ADH6: variants seen among roughly 807,000 people sequenced by gnomAD.
ADH6 encodes the protein alcohol dehydrogenase 6.
Under a neutral mutation model 36.5 loss-of-function variants are expected in ADH6, and 34 were observed. The observed-to-expected ratio is 0.93, with a 90% CI of 0.71 to 1.24. The LOEUF is 1.24. ADH6 is among the 50% of genes most tolerant of loss of function. The pLI, the probability that ADH6 is intolerant of heterozygous loss-of-function variation, is 0.00. For missense variants in ADH6, 440 were observed against 447.0 expected (o/e 0.98, Z 0.14); for synonymous variants, 161 against 155.5 (o/e 1.04, Z -0.26).
intron 1 of ADH6, 140 bp from the exon 2 acceptor site, chr4:99,216,402 T>C: frequency 6.8e-6 from 3 of 440,438 alleles, no homozygotes; most frequent in South Asian, 8.2e-5. Context: ...AATAAATATA[T>C]GCTGAAGGTA....
rs1730902723 is a variant in ADH6, at chr4:99,202,818, C to G, written c.*1401G>C. On this transcript the variant is annotated 3_prime_UTR_variant, in exon 9 of 9. Transcript: ENST00000394899. ...TAGCTGCTGTCAGGAAATAGAAGAGCAGAGCAGAGTTGGGCATGGAGGCTC... is the reference window on the plus strand; with the variant it reads ...TAGCTGCTGTCAGGAAATAGAAGAGGAGAGCAGAGTTGGGCATGGAGGCTC... The G allele has an allele frequency of 2.5e-6, 1 of 397,856 alleles. No homozygotes were observed. The highest frequency in any genetic ancestry group is 2.1e-5 in the African/African-American group (1 of 48,552). 24.6% of individuals were successfully genotyped at this position (397,856 alleles called of 1,614,324 possible).
At chr4:99,217,682 C>A (rs1239726971) in intron 1 of ADH6, among the ~76,000 whole-genome samples, 1 of 152,146 alleles carries the variant, frequency 6.6e-6, no homozygotes, top group Non-Finnish European at 1.5e-5. Flanking sequence ...AATAAACAGG[C>A]AAGTTCAGGT....
intron 5 of ADH6, 81 bp downstream of exon 5, chr4:99,210,001 T>A: frequency 7.0e-7 from 1 of 1,420,664 alleles, no homozygotes; most frequent in Non-Finnish European, 9.8e-7. Context: ...TTTGGTATGA[T>A]AAGAGATGAC....
intron 1 of ADH6, among the ~76,000 whole-genome samples, chr4:99,217,311 C>T (rs1356410416): frequency 6.6e-6 from 1 of 152,206 alleles, no homozygotes; most frequent in Non-Finnish European, 1.5e-5. Flanking sequence ...GCTGGGATTA[C>T]AGGCGTGAGC....
chr4:99,213,489 T>A (rs1355283111), intron 3 of ADH6, 117 bp downstream of exon 3: 1 of 965,034 alleles, frequency 1.0e-6, no homozygotes, highest in Non-Finnish European at 1.5e-6. Flanking sequence ...TTCTAAGAAG[T>A]TGGAAACATT....
At chr4:99,204,615 G>A (rs545286612) in intron 8 of ADH6, 1 of 1,168,520 alleles carries the variant, frequency 8.6e-7, no homozygotes, top group Non-Finnish European at 1.1e-6. Flanking sequence ...TTTTAAACTT[G>A]AGCTACAATT....
intron 3 of ADH6, 56 bp from the exon 4 acceptor site, chr4:99,210,558 G>A: frequency 7.2e-7 from 1 of 1,380,860 alleles, no homozygotes; most frequent in East Asian, 2.3e-5. Context: ...TAAAGACATA[G>A]CTGTCTTTCA....
intron 7 of ADH6, among the ~76,000 whole-genome samples, chr4:99,206,449 C>T (rs1264964274): frequency 6.6e-6 from 1 of 151,960 alleles, no homozygotes; most frequent in African/African-American, 2.4e-5. Context: ...TTTGAATTAA[C>T]ATTATCATCT....
At chr4:99,216,585 G>A (rs982066610) in intron 1 of ADH6, among the ~76,000 whole-genome samples, 37 of 151,852 alleles carry the variant, frequency 2.4e-4, no homozygotes, top group Admixed American at 1.3e-4. Flanking sequence ...GGTGGCTCAC[G>A]CCTGTAATTC....
Position 99,203,013 on chromosome 4 carries a change from C to T in ADH6, c.*1206G>A, listed in dbSNP as rs28720166. The T allele has an allele frequency of 2.3e-3, 883 of 389,372 alleles. 10 individuals are homozygous for T. Among genetic ancestry groups the T allele is most frequent in the African/African-American group, 0.017 (830 of 48,512 alleles). 24.1% of individuals were successfully genotyped at this position (389,372 alleles called of 1,614,324 possible). A position where few individuals can be genotyped will look rare whatever the true frequency, so the allele number is the denominator to read the frequency against. The stretch of plus-strand genomic sequence containing the variant: ...GAGTCCTTTGATATCATGTGAAAAC[C>T]ATGATGGGAGAGAGAGACTGAGGGT... On this transcript the variant is annotated 3_prime_UTR_variant, in exon 9 of 9. Coordinates refer to ENST00000394899, the MANE Select transcript of ADH6 (RefSeq NM_001102470.2).
Position 99,204,592 on chromosome 4 carries a change from T to TTTTA in ADH6, c.1103+332_1103+333insTAAA, listed in dbSNP as rs1730953611. On this transcript the variant is annotated intron_variant, in intron 8 of 8. Transcript: ENST00000394899. ...ATACAACAATGGCCTATTTGTGAAC[T>TTTTA]ACCTTCTTATGTTTTTAAACTTGAG... 5.1e-6 allele frequency: 6 copies of TTTTA among 1,178,446 alleles called. No individual in the cohort carries two copies. The African/African-American group carries it at 9.5e-5, about 19-fold the overall frequency. The allele number at this position is 1,178,446 out of a possible 1,614,324, so 73.0% of individuals were successfully genotyped here. A position where few individuals can be genotyped will look rare whatever the true frequency, so the allele number is the denominator to read the frequency against.
chr4:99,209,634 CCTTTT>C (rs1418830352), intron 5 of ADH6, among the ~76,000 whole-genome samples: 1 of 152,072 alleles, frequency 6.6e-6, no homozygotes, highest in Non-Finnish European at 1.5e-5. Flanking sequence ...CCTTTACTCT[CCTTTT>C]CTTTTTATTA....
Position 99,207,570 on chromosome 4 carries a change from G to A in ADH6, c.840C>T (p.Leu280=), listed in dbSNP as rs773372064. The part of the protein sequence containing the change: ...IGNLDVLAAA[L]ASCNESYGVC... ...CCCCATAGCTCTCATTGCAGGAGGC[G>A]AGGGCAGCTGCCTGTTAGAAAGTGA... The change falls in exon 7 of 9, where the codon CTC becomes CTT. Residue 280 remains leucine (L), a synonymous_variant. Transcript: ENST00000394899. 9 of 1,613,104 alleles carry A rather than the reference G, an allele frequency of 5.6e-6. No individual in the cohort carries two copies. The highest frequency in any genetic ancestry group is 3.3e-5 in the South Asian group (3 of 91,054).
At chr4:99,204,473 G>A in intron 8 of ADH6, 9 of 1,323,076 alleles carry the variant, frequency 6.8e-6, no homozygotes, top group Non-Finnish European at 8.6e-6. Context: ...CAGTTTCTGG[G>A]TTATGGCTGG....
intron 7 of ADH6, among the ~76,000 whole-genome samples, chr4:99,206,877 C>T (rs1205990644): frequency 6.6e-6 from 1 of 151,914 alleles, no homozygotes; most frequent in Admixed American, 6.6e-5. Flanking sequence ...CTTCTAAAGT[C>T]TATAAAAATG....
At chr4:99,216,942 A>T (rs1357628964) in intron 1 of ADH6, among the ~76,000 whole-genome samples, 2 of 152,158 alleles carry the variant, frequency 1.3e-5, no homozygotes, top group African/African-American at 2.4e-5. Flanking sequence ...GGTGTCCATT[A>T]TCTGAGTATA....
chr4:99,210,022 G>C, intron 5 of ADH6, 60 bp downstream of exon 5: 1 of 1,523,558 alleles, frequency 6.6e-7, no homozygotes, highest in Non-Finnish European at 9.1e-7. Flanking sequence ...AAAGATGCAA[G>C]AGGCCTTTCA....
chr4:99,211,768 G>T (rs576719513), intron 3 of ADH6, among the ~76,000 whole-genome samples: 1 of 152,234 alleles, frequency 6.6e-6, no homozygotes, highest in East Asian at 1.9e-4. Flanking sequence ...TAACACCTGT[G>T]GAAGGATTTA....
At chr4:99,204,812 A>G (rs760644076) in intron 8 of ADH6, 113 bp downstream of exon 8, 1 of 1,378,586 alleles carries the variant, frequency 7.3e-7, no homozygotes. Context: ...AGCCTCTTCA[A>G]TTATCAGTAT....
Sources: allele counts gnomAD v4.1 joint callset (sites outside exome capture counted in the v4.1 genomes callset), GRCh38; gene constraint gnomAD v4.1.1; transcripts MANE v1.5; gene names NCBI Gene and HGNC (gene_info 2026-07-23, HGNC 2026-07-21).